Variants in TSPAN15 observed in about 807,000 individuals in gnomAD.
The protein encoded by TSPAN15 is tetraspanin-15.
Under a neutral mutation model 34.5 loss-of-function variants are expected in TSPAN15, and 20 were observed. The ratio of observed to expected loss-of-function variants is 0.58; its 90% confidence interval spans 0.41 to 0.84. The LOEUF is 0.84. TSPAN15 is among the 40% of genes least tolerant of loss of function. The pLI is 0.00. For synonymous variants in TSPAN15, 155 were observed against 153.9 expected (o/e 1.01, Z -0.05); for missense variants, 313 against 386.1 (o/e 0.81, Z 1.59).
intron 1 of TSPAN15, among the ~76,000 whole-genome samples, chr10:69,456,491 A>C (rs1841113093): frequency 5.3e-5 from 8 of 152,122 alleles, no homozygotes; most frequent in Admixed American, 5.2e-4. Context: ...CTGAATATGC[A>C]CGCCTTTAAA....
At chr10:69,495,481 C>A in intron 3 of TSPAN15, 113 bp from the exon 4 acceptor site, 2 of 732,742 alleles carry the variant, frequency 2.7e-6, no homozygotes, top group Non-Finnish European at 4.7e-6. Flanking sequence ...GCTGGCTGGG[C>A]GCGAGCTGCA....
At chr10:69,537,339 T>C in the TSPAN15 span, among the ~76,000 whole-genome samples, 3 of 152,156 alleles carry the variant, frequency 2.0e-5, no homozygotes, top group Non-Finnish European at 4.4e-5. Flanking sequence ...TTCTACTGAA[T>C]GTGCATTGCT....
rs952538224 is a variant in TSPAN15, at chr10:69,507,311, G to C, written c.*333G>C. On this transcript the variant is annotated 3_prime_UTR_variant, in exon 8 of 8. Coordinates refer to ENST00000373290, the MANE Select transcript of TSPAN15 (RefSeq NM_012339.5). Reference sequence around the variant, plus strand: ...CCCATTTCATCTCTGGCAGTGCCTTGGCGGTGGTATTCAAGGCAGTTTTGT... The same window carrying C: ...CCCATTTCATCTCTGGCAGTGCCTTCGCGGTGGTATTCAAGGCAGTTTTGT... The C allele has an allele frequency of 2.4e-6, 3 of 1,252,950 alleles. No individual in the cohort carries two copies. Among genetic ancestry groups the C allele is most frequent in the Non-Finnish European group, 3.0e-6 (3 of 986,304 alleles). The allele number at this position is 1,252,950 out of a possible 1,614,324, so 77.6% of individuals were successfully genotyped here.
intron 1 of TSPAN15, among the ~76,000 whole-genome samples, chr10:69,483,277 C>T (rs541953878): frequency 3.3e-5 from 5 of 152,058 alleles, no homozygotes; most frequent in South Asian, 2.1e-4. Flanking sequence ...TGTGAGCCAC[C>T]GCGCCCGGCC....
intron 6 of TSPAN15, among the ~76,000 whole-genome samples, chr10:69,504,908 G>C (rs1842293522): frequency 6.6e-6 from 1 of 152,160 alleles, no homozygotes. Context: ...CCTGGTCTAG[G>C]AGAGAAGCAG....
intron 1 of TSPAN15, among the ~76,000 whole-genome samples, chr10:69,454,914 C>G (rs1021196567): frequency 2.6e-5 from 4 of 152,096 alleles, no homozygotes; most frequent in African/African-American, 9.7e-5. Flanking sequence ...GGTGTAATCC[C>G]AGCACTTTGG....
intron 1 of TSPAN15, among the ~76,000 whole-genome samples, chr10:69,461,372 A>C (rs4565792): frequency 0.4 from 60,632 of 151,988 alleles, 12,600 homozygotes; most frequent in Non-Finnish European, 0.45. Context: ...CAAGTATTTC[A>C]CTGGAGGGTG....
At chr10:69,484,023 C>G in intron 2 of TSPAN15, 147 bp downstream of exon 2, 1 of 779,692 alleles carries the variant, frequency 1.3e-6, no homozygotes, top group Non-Finnish European at 1.9e-6. Context: ...TCTGACCACA[C>G]TGGCCCAAGA....
intron 3 of TSPAN15, among the ~76,000 whole-genome samples, chr10:69,492,464 C>A (rs1482750069): frequency 1.3e-5 from 2 of 152,192 alleles, no homozygotes; most frequent in Non-Finnish European, 2.9e-5. Context: ...CAAGAACCAG[C>A]ATGCCTCAAA....
chr10:69,544,504 G>A, the TSPAN15 span, among the ~76,000 whole-genome samples: 1 of 152,182 alleles, frequency 6.6e-6, no homozygotes, highest in Admixed American at 6.5e-5. Flanking sequence ...TCCCGCAGCG[G>A]TTCAAAAGCT....
chr10:69,531,960 A>AC, the TSPAN15 span, among the ~76,000 whole-genome samples: 2 of 151,746 alleles, frequency 1.3e-5, no homozygotes, highest in African/African-American at 4.8e-5. Context: ...ACAAAAAAAA[A>AC]ACTTAGGAAT....
At chr10:69,457,433 A>T (rs1467416441) in intron 1 of TSPAN15, among the ~76,000 whole-genome samples, 1 of 152,206 alleles carries the variant, frequency 6.6e-6, no homozygotes, top group Non-Finnish European at 1.5e-5. Context: ...TCCACAGAGC[A>T]CCAAGCCTGT....
chr10:69,535,508 G>C, the TSPAN15 span, among the ~76,000 whole-genome samples: 1 of 152,206 alleles, frequency 6.6e-6, no homozygotes, highest in African/African-American at 2.4e-5. Flanking sequence ...TAATTAAAGG[G>C]AAAGAATCAA....
At chr10:69,539,988 A>C in the TSPAN15 span, among the ~76,000 whole-genome samples, 2 of 150,562 alleles carry the variant, frequency 1.3e-5, no homozygotes. Flanking sequence ...ACAGAGTCTC[A>C]CTGTCACCCA....
rs562013327 is a variant in TSPAN15 at position 69,487,178 on chromosome 10, G to A, written c.357+1963G>A. On this transcript the variant is annotated intron_variant, in intron 3 of 7. Coordinates refer to ENST00000373290, the MANE Select transcript of TSPAN15 (RefSeq NM_012339.5). ...TATAAGGAGGAATCTCCACCAGCCC[G>A]TGACCCCGGGCATGGTTTCTGCTGC... 4.6e-5 allele frequency among the ~76,000 whole-genome samples: 7 copies of A among 152,200 alleles called. 1 individual carries two copies. The South Asian group carries it at 1.0e-3, about 23-fold the overall frequency.
intron 1 of TSPAN15, among the ~76,000 whole-genome samples, chr10:69,480,467 TA>T (rs925132506): frequency 1.3e-5 from 2 of 152,166 alleles, no homozygotes; most frequent in Non-Finnish European, 2.9e-5. Context: ...AAATGGAAGA[TA>T]AAACCCTACC....
chr10:69,506,809 G>T lies in TSPAN15; in HGVS notation c.736-20G>T. 6.4e-7 allele frequency: 1 copy of T among 1,562,020 alleles called. No individual in the cohort carries two copies. The highest frequency in any genetic ancestry group is 8.7e-7 in the Non-Finnish European group (1 of 1,152,896). On this transcript the variant is annotated intron_variant, in intron 7 of 7. Coordinates refer to ENST00000373290, the MANE Select transcript of TSPAN15 (RefSeq NM_012339.5). This position sits in a 1 kb window ranked among gnomAD's most constrained non-coding sequence, Gnocchi z 4.7. ...CCTGATTCCCAGCAGGCCCTCACCAGCCCTGCCCCTTCTTCTCAGTTCCTG... is the reference window on the plus strand; with the variant it reads ...CCTGATTCCCAGCAGGCCCTCACCATCCCTGCCCCTTCTTCTCAGTTCCTG...
chr10:69,478,092 C>G (rs1671698813), intron 1 of TSPAN15, among the ~76,000 whole-genome samples: 1 of 152,168 alleles, frequency 6.6e-6, no homozygotes, highest in African/African-American at 2.4e-5. Context: ...CTCTGCTGCT[C>G]CCGCCAGCAC....
intron 3 of TSPAN15, among the ~76,000 whole-genome samples, chr10:69,492,617 C>G (rs1202844253): frequency 6.6e-6 from 1 of 152,208 alleles, no homozygotes; most frequent in African/African-American, 2.4e-5. Context: ...CTCTCGAAGC[C>G]CGAGCCTTGG....
Sources: allele counts gnomAD v4.1 joint callset (sites outside exome capture counted in the v4.1 genomes callset), GRCh38; gene constraint gnomAD v4.1.1; non-coding constraint Gnocchi (gnomAD v3.1); transcripts MANE v1.5; gene names NCBI Gene and HGNC (gene_info 2026-07-23, HGNC 2026-07-21).